The following ALG8 variants were observed in gnomAD, a reference collection of about 807,000 sequenced individuals.
The protein encoded by ALG8 is dolichyl pyrophosphate Glc1Man9GlcNAc2 alpha-1,3-glucosyltransferase.
Under a neutral mutation model 70.2 loss-of-function variants are expected in ALG8, and 48 were observed. The observed-to-expected ratio is 0.68, with a 90% confidence interval of 0.54 to 0.87. The LOEUF (loss-of-function observed/expected upper bound fraction) is 0.87, where lower values mean the gene tolerates loss of function less well. Ranked by LOEUF, ALG8 falls within the 40% of genes least tolerant of loss-of-function variation. The pLI, the probability that ALG8 is intolerant of heterozygous loss-of-function variation, is 0.00. For missense variants in ALG8, 572 were observed against 608.7 expected (o/e 0.94, Z 0.64); for synonymous variants, 234 against 229.0 (o/e 1.02, Z -0.20).
intron 8 of ALG8, among the ~76,000 whole-genome samples, chr11:78,111,986 G>C (rs1019113368): frequency 4.6e-5 from 7 of 152,028 alleles, no homozygotes; most frequent in Non-Finnish European, 1.0e-4. Flanking sequence ...TTAAAAGTGG[G>C]GTAGGCCAGG....
In ALG8 at chr11:78,103,916, T is replaced by C; in HGVS notation, c.1349+64A>G. ...TTAAAAATAAAATTTAAAGAGCTTA[T>C]TTGACCACTTAGGTGTAAACATTTC... is the stretch of plus-strand genomic sequence containing the variant. On this transcript the variant is annotated intron_variant, in intron 12 of 12. Transcript: ENST00000299626. The C allele has an allele frequency of 7.7e-6, 7 of 908,572 alleles. No homozygotes were observed. The South Asian group carries it at 9.2e-5, about 12-fold the overall frequency. 56.3% of individuals were successfully genotyped at this position (908,572 alleles called of 1,614,324 possible). A position where few individuals can be genotyped will look rare whatever the true frequency, so the allele number is the denominator to read the frequency against.
At chr11:78,121,490 T>A (rs1860820843) in intron 3 of ALG8, among the ~76,000 whole-genome samples, 1 of 54,698 alleles carries the variant, frequency 1.8e-5, no homozygotes. Context: ...GAGGCTGAAG[T>A]GAGAGGACCA....
In ALG8 at chr11:78,119,198, A is replaced by G. The variant is rs773804345; in HGVS notation, c.530T>C (p.Ile177Thr). The G allele has an allele frequency of 3.1e-6, 5 of 1,610,412 alleles. No homozygotes were observed. The highest frequency in any genetic ancestry group is 1.6e-4 in the Middle Eastern group (1 of 6,072). The change falls in exon 5 of 13, where the codon ATT (isoleucine) becomes ACT (threonine). Residue 177 changes from isoleucine to threonine, a missense_variant. Transcript: ENST00000299626. Reference protein sequence around the residue: ...GFLFGLMLLSIARLFQKRHME... With the variant: ...GFLFGLMLLSTARLFQKRHME... ...TATGTTTACCTGAAATAATCGTGCA[A>G]TGGAGAGTAGCATTAATCCAAATAA... is the stretch of plus-strand genomic sequence containing the variant.
In ALG8 at chr11:78,101,011, C is replaced by A. The variant is rs1452452113; in HGVS notation, c.1534G>T (p.Val512Phe). ...GITYAWFKLY[V>F]SVLIDSAIGK... ...ATAGCAGAGTCAATCAATACTGAAA[C>A]ATACAGTTTGAACCAAGCATATGTG... The change falls in exon 13 of 13, where the codon GTT (valine) becomes TTT (phenylalanine). Residue 512 changes from valine to phenylalanine, a missense_variant. By Grantham distance (50) the Val-to-Phe change is conservative. Transcript: ENST00000299626. 6.2e-7 allele frequency: 1 copy of A among 1,614,154 alleles called. No individual in the cohort carries two copies. Among genetic ancestry groups the A allele is most frequent in the Non-Finnish European group, 8.5e-7 (1 of 1,180,034 alleles).
chr11:78,125,519 A>C (rs182414079), intron 2 of ALG8, among the ~76,000 whole-genome samples: 2,234 of 151,166 alleles, frequency 0.015, 63 homozygotes, highest in African/African-American at 0.053. Context: ...TAATCCCAGC[A>C]CTTTGGAAGG....
In ALG8 at chr11:78,120,946, AC is replaced by A. The variant is rs1860795541; in HGVS notation, c.478+118del. ...CACAGTTAAGTGAGCCTACTAACCC[AC>A]CCCACACTCATTTTCAGAAGGAGCT... On this transcript the variant is annotated intron_variant, in intron 4 of 12. Transcript: ENST00000299626. 8 of 950,286 alleles carry A rather than the reference AC, an allele frequency of 8.4e-6. No homozygotes were observed. The Admixed American group carries it at 1.4e-4, about 16-fold the overall frequency. 58.9% of individuals were successfully genotyped at this position (950,286 alleles called of 1,614,324 possible). A position where few individuals can be genotyped will look rare whatever the true frequency, so the allele number is the denominator to read the frequency against.
intron 7 of ALG8, 71 bp downstream of exon 7, chr11:78,113,815 G>C: frequency 8.1e-7 from 1 of 1,233,724 alleles, no homozygotes; most frequent in African/African-American, 1.6e-5. Flanking sequence ...ACATATTCCT[G>C]GCTTTATTAG....
intron 1 of ALG8, among the ~76,000 whole-genome samples, chr11:78,131,324 C>T (rs911623353): frequency 6.6e-6 from 1 of 152,104 alleles, no homozygotes; most frequent in Non-Finnish European, 1.5e-5. Flanking sequence ...TACAATCAGC[C>T]GAGCACAATG....
At chr11:78,124,892 A>G (rs199876224) in intron 2 of ALG8, among the ~76,000 whole-genome samples, 2 of 152,332 alleles carry the variant, frequency 1.3e-5, no homozygotes, top group East Asian at 3.9e-4. Context: ...CTCAGCATTT[A>G]GTAAGTGCCT....
chr11:78,129,440 CA>C (rs1861212644), intron 1 of ALG8, among the ~76,000 whole-genome samples: 1 of 149,048 alleles, frequency 6.7e-6, no homozygotes, highest in Non-Finnish European at 1.5e-5. Context: ...AAAAAATGTG[CA>C]AAGTAAAACT....
intron 1 of ALG8, among the ~76,000 whole-genome samples, chr11:78,127,751 C>A (rs1173608224): frequency 2.0e-5 from 3 of 147,270 alleles, no homozygotes; most frequent in African/African-American, 5.2e-5. Flanking sequence ...CTTCTGTCAC[C>A]CAGGCTGGAG....
In ALG8 at chr11:78,119,163, A is replaced by G; in HGVS notation, c.546+19T>C. The G allele has an allele frequency of 6.4e-7, 1 of 1,571,922 alleles. No individual in the cohort carries two copies. The highest frequency in any genetic ancestry group is 1.1e-5 in the South Asian group (1 of 90,104). On this transcript the variant is annotated intron_variant, in intron 5 of 12. Coordinates refer to ENST00000299626, the MANE Select transcript of ALG8 (RefSeq NM_024079.5). ...ACTAATCTAAAAGGGAAAAAATCTA[A>G]TTAAACAATTATGTTTACCTGAAAT...
rs752943738 is a variant in ALG8 at position 78,124,106 on chromosome 11, A to G, written c.283T>C (p.Leu95=). The G allele has an allele frequency of 6.2e-7, 1 of 1,614,192 alleles. No individual in the cohort carries two copies. Among genetic ancestry groups the G allele is most frequent in the Non-Finnish European group, 8.5e-7 (1 of 1,180,012 alleles). ...FDQEMLNVHN[L]NYSSSRTLLF... ...AAGGTCCTTGAGCTGGAGTAATTCA[A>G]ATTATGGACATTCAGCATTTCTTGA... Residue 95 remains leucine (L), a synonymous_variant, in exon 3 of 13, where the codon TTG becomes CTG. Transcript: ENST00000299626.
At chr11:78,103,704 T>C (rs539922991) in intron 12 of ALG8, among the ~76,000 whole-genome samples, 1 of 152,350 alleles carries the variant, frequency 6.6e-6, no homozygotes, top group East Asian at 1.9e-4. Flanking sequence ...AATAGTTTTA[T>C]TCATAAAGCA....
rs1346649947 is a variant in ALG8, at chr11:78,101,332, A to G, written c.1350-137T>C. On this transcript the variant is annotated intron_variant, in intron 12 of 12. Transcript: ENST00000299626. The stretch of plus-strand genomic sequence containing the variant: ...CCAAGGCCAGAGTCAAGAGTATATT[A>G]AATTTCACATTTAGGGCCAAGTGCA... 4 of 781,934 alleles carry G rather than the reference A, an allele frequency of 5.1e-6. No homozygotes were observed. The African/African-American group carries it at 7.0e-5, about 14-fold the overall frequency. 48.4% of individuals were successfully genotyped at this position (781,934 alleles called of 1,614,324 possible).
At chr11:78,138,971 C>T (rs1037628226) in intron 1 of ALG8, 1 of 350,454 alleles carries the variant, frequency 2.9e-6, no homozygotes, top group Non-Finnish European at 5.6e-6. Flanking sequence ...CTGCTTTCCA[C>T]ATCACTTATT....
rs886048688 is a variant in ALG8, at chr11:78,114,316, G to A, written c.623C>T (p.Ala208Val). ...FKHIYLYVAPAYGVYLLRSYC... is the reference protein window; with the variant it reads ...FKHIYLYVAPVYGVYLLRSYC... ...GGATCGCAGCAGATATACACCATAA[G>A]CTGGTGCTACATAGAGGTAGATATG... The change falls in exon 6 of 13, where the codon GCT becomes GTT. Residue 208 changes from alanine to valine, a missense_variant. Ala to Val is a moderately conservative substitution (Grantham distance 64, BLOSUM62 0). Coordinates refer to ENST00000299626, the MANE Select transcript of ALG8 (RefSeq NM_024079.5). 10 of 1,613,980 alleles carry A rather than the reference G, an allele frequency of 6.2e-6. No homozygotes were observed. Among genetic ancestry groups the A allele is most frequent in the Admixed American group, 1.7e-5 (1 of 59,996 alleles).
chr11:78,121,277 A>G, intron 3 of ALG8, 103 bp from the exon 4 acceptor site: 1 of 801,446 alleles, frequency 1.2e-6, no homozygotes, highest in South Asian at 1.5e-5. Context: ...CTGACAAACT[A>G]CATGCCATTC....
intron 12 of ALG8, among the ~76,000 whole-genome samples, chr11:78,102,511 C>T (rs1041195894): frequency 2.6e-5 from 4 of 152,126 alleles, no homozygotes; most frequent in African/African-American, 7.2e-5. Flanking sequence ...ACAATGAATA[C>T]TGATGTACAA....
Sources: allele counts gnomAD v4.1 joint callset (sites outside exome capture counted in the v4.1 genomes callset), GRCh38; gene constraint gnomAD v4.1.1; transcripts MANE v1.5; gene names NCBI Gene and HGNC (gene_info 2026-07-23, HGNC 2026-07-21).